The following B3GALT1 variants were observed in gnomAD, a reference collection of about 807,000 sequenced individuals.
B3GALT1 encodes beta-1,3-galactosyltransferase 1, also known as UDP-Gal:betaGlcNAc beta 1,3-galactosyltransferase, polypeptide 1.
B3GALT1 carries 10 observed loss-of-function variants against 23.2 expected under a neutral mutation model. The ratio of observed to expected loss-of-function variants is 0.43; its 90% CI spans 0.27 to 0.73. The LOEUF (loss-of-function observed/expected upper bound fraction) is 0.73. B3GALT1 is among the 30% of genes least tolerant of loss of function. The probability of loss-of-function intolerance (pLI) is 0.21; values close to 1 mark genes in which losing one functional copy is unlikely to be tolerated. For synonymous variants in B3GALT1, 156 were observed against 141.5 expected (o/e 1.10, Z -0.73); for missense variants, 299 against 405.4 (o/e 0.74, Z 2.25).
At chr2:167,692,018 A>G (rs1686722589) in intron 3 of B3GALT1, among the ~76,000 whole-genome samples, 1 of 152,102 alleles carries the variant, frequency 6.6e-6, no homozygotes, top group South Asian at 2.1e-4. Flanking sequence ...GCCTTCCTTG[A>G]GTGGCACACA....
intron 3 of B3GALT1, among the ~76,000 whole-genome samples, chr2:167,699,175 C>T (rs899575506): frequency 6.6e-6 from 1 of 152,092 alleles, no homozygotes; most frequent in African/African-American, 2.4e-5. Flanking sequence ...GTTTTCCCCA[C>T]TCTGAGGTAT....
chr2:167,825,298 A>G (rs954622308), intron 4 of B3GALT1, among the ~76,000 whole-genome samples: 4 of 149,428 alleles, frequency 2.7e-5, no homozygotes, highest in South Asian at 2.1e-4. Flanking sequence ...AAAAAAAAAA[A>G]ACAGAAAAAA....
intron 3 of B3GALT1, among the ~76,000 whole-genome samples, chr2:167,682,262 A>G (rs1352222762): frequency 6.6e-6 from 1 of 152,234 alleles, no homozygotes; most frequent in Non-Finnish European, 1.5e-5. Context: ...CTTTTACAAA[A>G]GAGAAAATAA....
intron 1 of B3GALT1, among the ~76,000 whole-genome samples, chr2:167,346,723 TTC>T (rs543325838): frequency 4.7e-4 from 57 of 120,968 alleles, no homozygotes; most frequent in African/African-American, 1.6e-3. Flanking sequence ...CATGATTAAT[TTC>T]TGAGTTGTTT....
chr2:167,497,873 G>A (rs534578557), intron 2 of B3GALT1, among the ~76,000 whole-genome samples: 36 of 151,644 alleles, frequency 2.4e-4, no homozygotes, highest in Non-Finnish European at 4.3e-4. Context: ...ACTAGATACA[G>A]TGAAAAATCT....
At chr2:167,521,231 A>G (rs1700182978) in intron 2 of B3GALT1, among the ~76,000 whole-genome samples, 1 of 152,108 alleles carries the variant, frequency 6.6e-6, no homozygotes, top group South Asian at 2.1e-4. Context: ...AGCTCTTGTA[A>G]AACTCATGTC....
intron 1 of B3GALT1, among the ~76,000 whole-genome samples, chr2:167,441,273 T>A (rs909693220): frequency 1.3e-5 from 2 of 152,252 alleles, no homozygotes; most frequent in Non-Finnish European, 2.9e-5. Context: ...GAAGATTGAT[T>A]ACTTTAGAGG....
intron 4 of B3GALT1, among the ~76,000 whole-genome samples, chr2:167,841,825 A>C (rs1254979588): frequency 6.6e-6 from 1 of 152,274 alleles, no homozygotes. Context: ...ATTTCAGGGA[A>C]AGGGGAAAAT....
At chr2:167,297,110 A>G (rs1319482611) in intron 1 of B3GALT1, among the ~76,000 whole-genome samples, 2 of 152,274 alleles carry the variant, frequency 1.3e-5, no homozygotes, top group South Asian at 4.1e-4. Flanking sequence ...CAGCAATAAC[A>G]TGATATGATA....
At chr2:167,668,647 T>C (rs1265341649) in intron 3 of B3GALT1, among the ~76,000 whole-genome samples, 1 of 152,136 alleles carries the variant, frequency 6.6e-6, no homozygotes, top group Non-Finnish European at 1.5e-5. Context: ...GGATATAATC[T>C]CCTGGTGCGC....
intron 3 of B3GALT1, among the ~76,000 whole-genome samples, chr2:167,737,562 T>A (rs1351706239): frequency 6.6e-6 from 1 of 152,216 alleles, no homozygotes; most frequent in Non-Finnish European, 1.5e-5. Context: ...ACCACTTCAG[T>A]TGAAGAGGAG....
intron 1 of B3GALT1, among the ~76,000 whole-genome samples, chr2:167,458,012 A>G (rs970976273): frequency 2.0e-5 from 3 of 152,182 alleles, no homozygotes; most frequent in Non-Finnish European, 4.4e-5. Context: ...ATGCAATTCA[A>G]TGTTATTAAA....
At chr2:167,454,325 C>A (rs1472704175) in intron 1 of B3GALT1, among the ~76,000 whole-genome samples, 2 of 152,162 alleles carry the variant, frequency 1.3e-5, no homozygotes, top group African/African-American at 4.8e-5. Context: ...TAGGACTGAC[C>A]TGGAGAAGCC....
At chr2:167,758,414 T>A (rs893317342) in intron 3 of B3GALT1, among the ~76,000 whole-genome samples, 2 of 152,134 alleles carry the variant, frequency 1.3e-5, no homozygotes, top group Non-Finnish European at 2.9e-5. Context: ...ATCTCAGCGA[T>A]AGGACATAGT....
At chr2:167,602,319 A>G (rs1684890907) in intron 2 of B3GALT1, among the ~76,000 whole-genome samples, 1 of 152,168 alleles carries the variant, frequency 6.6e-6, no homozygotes. Context: ...GAGAGCATAT[A>G]GAGAGACAGA....
At chr2:167,654,809 T>C (rs1339757995) in intron 3 of B3GALT1, among the ~76,000 whole-genome samples, 2 of 151,882 alleles carry the variant, frequency 1.3e-5, no homozygotes, top group Non-Finnish European at 2.9e-5. Context: ...TTCTTTTTTT[T>C]TTTTTTCCAC....
intron 1 of B3GALT1, among the ~76,000 whole-genome samples, chr2:167,328,078 T>G (rs990430776): frequency 6.6e-6 from 1 of 152,244 alleles, no homozygotes; most frequent in African/African-American, 2.4e-5. Context: ...TCCCACTTAA[T>G]CATGGTGTAT....
chr2:167,370,465 G>C (rs1051231293), intron 1 of B3GALT1, among the ~76,000 whole-genome samples: 1 of 152,122 alleles, frequency 6.6e-6, no homozygotes, highest in Non-Finnish European at 1.5e-5. Flanking sequence ...AAATGAAGAT[G>C]ATACAGCCTT....
intron 1 of B3GALT1, among the ~76,000 whole-genome samples, chr2:167,445,333 T>C (rs1384960096): frequency 6.6e-6 from 1 of 152,246 alleles, no homozygotes; most frequent in African/African-American, 2.4e-5. Context: ...GAGAGGTATG[T>C]ATATTCTGTT....
Sources: allele counts gnomAD v4.1 joint callset (sites outside exome capture counted in the v4.1 genomes callset), GRCh38; gene constraint gnomAD v4.1.1; transcripts MANE v1.5; gene names NCBI Gene and HGNC (gene_info 2026-07-23, HGNC 2026-07-21).